Variants in PRKN observed in about 807,000 individuals in gnomAD.
PRKN encodes the protein E3 ubiquitin-protein ligase parkin.
PRKN carries 56 observed loss-of-function variants against 59.5 expected under a neutral mutation model. That is an observed-to-expected ratio of 0.94 (90% CI 0.76 to 1.18). PRKN has a LOEUF of 1.18. Ranked by LOEUF, PRKN falls within the 50% of genes most tolerant of loss-of-function variation. PRKN has a pLI of 0.00. For missense variants in PRKN, 657 were observed against 596.4 expected (o/e 1.10, Z -1.06); for synonymous variants, 250 against 222.1 (o/e 1.13, Z -1.12).
chr6:162,038,538 T>G (rs1256020043), intron 5 of PRKN, among the ~76,000 whole-genome samples: 1 of 152,214 alleles, frequency 6.6e-6, no homozygotes, highest in East Asian at 1.9e-4. Context: ...AAAGGTTTCA[T>G]CTGGGGCCAC....
At chr6:162,307,617 AAC>A (rs1299664714) in intron 2 of PRKN, among the ~76,000 whole-genome samples, 59 of 152,228 alleles carry the variant, frequency 3.9e-4, no homozygotes, top group Admixed American at 1.1e-3. Flanking sequence ...AGGGGAAAAA[AAC>A]AGTTTGATGA....
chr6:162,035,999 C>G (rs1280718140), intron 5 of PRKN, among the ~76,000 whole-genome samples: 1 of 152,082 alleles, frequency 6.6e-6, no homozygotes, highest in Middle Eastern at 3.2e-3. Context: ...GAAGATCCTC[C>G]TAATAATGAT....
intron 5 of PRKN, among the ~76,000 whole-genome samples, chr6:162,038,879 G>A (rs1783948504): frequency 6.6e-6 from 1 of 152,148 alleles, no homozygotes; most frequent in Admixed American, 6.5e-5. Flanking sequence ...TGCTGGCCGG[G>A]CGCGGTGGTT....
In PRKN at chr6:161,349,272, CTCAGAA is replaced by C. The variant is rs1185438866; in HGVS notation, c.*821_*826del. The C allele has an allele frequency of 4.4e-6, 1 of 225,442 alleles. No homozygotes were observed. Among genetic ancestry groups the C allele is most frequent in the African/African-American group, 2.2e-5 (1 of 44,922 alleles). The allele number at this position is 225,442 out of a possible 1,614,324, so 14.0% of individuals were successfully genotyped here. On this transcript the variant is annotated 3_prime_UTR_variant, in exon 12 of 12. Transcript: ENST00000366898. This position sits in a 1 kb window ranked among gnomAD's most constrained non-coding sequence, Gnocchi z 5.5. ...AAATCTCCAAGTTGCAAAATGAATA[CTCAGAA>C]TCAAACTATAGATTTTTTGGTGATA... is the stretch of plus-strand genomic sequence containing the variant.
chr6:162,262,593 T>A lies in PRKN; in HGVS notation c.344A>T (p.Asp115Val), dbSNP rs1779937131. 1 of 1,612,524 alleles carries A rather than the reference T, an allele frequency of 6.2e-7. No individual in the cohort carries two copies. Among genetic ancestry groups the A allele is most frequent in the Non-Finnish European group, 8.5e-7 (1 of 1,179,066 alleles). Residue 115 changes from aspartate (D) to valine (V), a missense_variant, in exon 3 of 12, where the codon GAC becomes GTC. By Grantham distance (152) the Asp-to-Val change is radical. Transcript: ENST00000366898. ...VDLSSSVLPG[D>V]SVGLAVILHT... The stretch of plus-strand genomic sequence containing the variant: ...CAGAATGACAGCCAGCCCCACAGAG[T>A]CTCCTGGGAGGACTGAGCTGCTGAG...
Position 161,460,896 on chromosome 6 carries a change from C to T in PRKN, c.1084-74019G>A, listed in dbSNP as rs971360459. Among the ~76,000 whole-genome samples the T allele has an allele frequency of 5.9e-5, 9 of 151,816 alleles. No individual in the cohort carries two copies. Among genetic ancestry groups the T allele is most frequent in the South Asian group, 4.2e-4 (2 of 4,786 alleles). ...TCCCAAGTAGCTGGGACTACAGGTA[C>T]GCACCACCACGCCCAGCTAATTTTT... On this transcript the variant is annotated intron_variant, in intron 9 of 11. Transcript: ENST00000366898. This position sits in a 1 kb window ranked among gnomAD's most constrained non-coding sequence, Gnocchi z 5.0.
intron 6 of PRKN, among the ~76,000 whole-genome samples, chr6:161,963,937 CTACTCT>C (rs1240602300): frequency 2.0e-5 from 3 of 150,924 alleles, no homozygotes; most frequent in Non-Finnish European, 4.4e-5. Context: ...CTGTATTTTT[CTACTCT>C]TACTGGTTTT....
intron 7 of PRKN, among the ~76,000 whole-genome samples, chr6:161,771,373 AAAAT>A (rs1442840445): frequency 1.6e-4 from 8 of 50,478 alleles, no homozygotes; most frequent in Admixed American, 3.9e-4. Context: ...AAAAAAAAAT[AAAAT>A]AAAATAAAAT....
chr6:161,406,106 G>GTA (rs755232656), intron 9 of PRKN, among the ~76,000 whole-genome samples: 4 of 150,950 alleles, frequency 2.6e-5, no homozygotes, highest in Non-Finnish European at 2.9e-5. Context: ...TTATACATAC[G>GTA]TATATATATA....
chr6:161,885,777 A>T (rs1795126446), intron 6 of PRKN, among the ~76,000 whole-genome samples: 1 of 152,142 alleles, frequency 6.6e-6, no homozygotes, highest in Non-Finnish European at 1.5e-5. Flanking sequence ...TATAATTTTT[A>T]AAAATTTTGA....
At chr6:161,959,062 T>C (rs1780285488) in intron 6 of PRKN, among the ~76,000 whole-genome samples, 1 of 152,248 alleles carries the variant, frequency 6.6e-6, no homozygotes, top group African/African-American at 2.4e-5. Flanking sequence ...TTATTTTTGT[T>C]ATTTCTTGTC....
intron 1 of PRKN, among the ~76,000 whole-genome samples, chr6:162,713,365 G>T (rs1778609023): frequency 6.6e-6 from 1 of 151,920 alleles, no homozygotes; most frequent in Non-Finnish European, 1.5e-5. Flanking sequence ...GTGCTGGCGG[G>T]CGCCTGTAGT....
chr6:162,270,958 C>A (rs1269377138), intron 2 of PRKN, among the ~76,000 whole-genome samples: 1 of 151,448 alleles, frequency 6.6e-6, no homozygotes, highest in African/African-American at 2.4e-5. Context: ...CCTCTTATGG[C>A]AGCCTCCTGA....
At chr6:162,004,430 C>G (rs1782170949) in intron 5 of PRKN, among the ~76,000 whole-genome samples, 1 of 152,160 alleles carries the variant, frequency 6.6e-6, no homozygotes, top group Non-Finnish European at 1.5e-5. Flanking sequence ...ATCCAATTAA[C>G]TCTCTTTTCT....
At chr6:162,656,809 C>A (rs1235308915) in intron 1 of PRKN, among the ~76,000 whole-genome samples, 1 of 152,160 alleles carries the variant, frequency 6.6e-6, no homozygotes, top group African/African-American at 2.4e-5. Flanking sequence ...CAGATGTATT[C>A]CAGCATAAGA....
chr6:161,879,825 A>G (rs1794865470), intron 6 of PRKN, among the ~76,000 whole-genome samples: 2 of 152,154 alleles, frequency 1.3e-5, no homozygotes, highest in Admixed American at 6.6e-5. Context: ...GTAAAATCAC[A>G]CCATTTTACA....
At chr6:161,810,499 G>C (rs1349072690) in intron 6 of PRKN, among the ~76,000 whole-genome samples, 11 of 152,130 alleles carry the variant, frequency 7.2e-5, no homozygotes, top group Non-Finnish European at 1.6e-4. Flanking sequence ...ATAAGAGGAG[G>C]TCCTAGACAA....
intron 2 of PRKN, among the ~76,000 whole-genome samples, chr6:162,298,644 G>A (rs895229383): frequency 1.1e-5 from 1 of 92,364 alleles, no homozygotes; most frequent in African/African-American, 4.3e-5. Context: ...ACCCCATGAG[G>A]TCAGCATGGA....
intron 9 of PRKN, among the ~76,000 whole-genome samples, chr6:161,532,829 C>T (rs942934494): frequency 6.6e-6 from 1 of 152,130 alleles, no homozygotes; most frequent in Non-Finnish European, 1.5e-5. Flanking sequence ...CCCTTTATAC[C>T]TGCCACCACT....
Sources: allele counts gnomAD v4.1 joint callset (sites outside exome capture counted in the v4.1 genomes callset), GRCh38; gene constraint gnomAD v4.1.1; non-coding constraint Gnocchi (gnomAD v3.1); transcripts MANE v1.5; gene names NCBI Gene and HGNC (gene_info 2026-07-23, HGNC 2026-07-21).